The following SCML2 variants were observed in gnomAD, a reference collection of about 807,000 sequenced individuals.
The protein encoded by SCML2 is Scm polycomb group protein like 2, also known as sex comb on midleg-like protein 2.
SCML2 carries 6 observed loss-of-function variants against 48.4 expected under a neutral mutation model. The ratio of observed to expected loss-of-function variants is 0.12; its 90% CI spans 0.07 to 0.24. The LOEUF is 0.24. SCML2 is among the 10% of genes least tolerant of loss of function. SCML2 has a pLI of 1.00. For synonymous variants in SCML2, 181 were observed against 189.5 expected (o/e 0.95, Z 0.37); for missense variants, 377 against 528.2 (o/e 0.71, Z 2.81).
intron 1 of SCML2, among the ~76,000 whole-genome samples, chrX:18,340,619 G>A (rs1175250713): frequency 4.6e-5 from 5 of 109,824 alleles, no homozygotes; most frequent in African/African-American, 1.7e-4. Context: ...AGACCAGTCT[G>A]GCCAACATGG....
At chrX:18,253,404 T>C (rs888856115) in intron 11 of SCML2, among the ~76,000 whole-genome samples, 1 of 111,690 alleles carries the variant, frequency 9.0e-6, no homozygotes, top group South Asian at 3.8e-4. Flanking sequence ...AGTAAGACCA[T>C]ATAACCAACT....
At chrX:18,256,552 G>A (rs987708814) in intron 11 of SCML2, among the ~76,000 whole-genome samples, 4 of 111,606 alleles carry the variant, frequency 3.6e-5, no homozygotes, top group Non-Finnish European at 5.6e-5. Flanking sequence ...TAACTTCTGA[G>A]GATTATAAAA....
intron 1 of SCML2, among the ~76,000 whole-genome samples, chrX:18,349,217 C>T (rs1049487193): frequency 1.8e-5 from 2 of 112,145 alleles, no homozygotes; most frequent in Non-Finnish European, 3.8e-5. Flanking sequence ...TGGGCACTCT[C>T]TTTCCCCTCT....
At chrX:18,266,026 T>A (rs1473176322) in intron 7 of SCML2, among the ~76,000 whole-genome samples, 1 of 111,677 alleles carries the variant, frequency 9.0e-6, no homozygotes, top group Non-Finnish European at 1.9e-5. Flanking sequence ...AAAGCGGTTT[T>A]TATTAGAGGA....
chrX:18,257,081 C>A, intron 10 of SCML2, 51 bp from the exon 11 acceptor site: 1 of 843,732 alleles, frequency 1.2e-6, no homozygotes, highest in Non-Finnish European at 1.6e-6. Flanking sequence ...ATGAGAAATA[C>A]AACACTAATT....
intron 10 of SCML2, 114 bp downstream of exon 10, chrX:18,257,918 GGGGGAGGGGGAA>G (rs1208826240): frequency 9.4e-6 from 4 of 424,713 alleles, no homozygotes; most frequent in Non-Finnish European, 1.6e-5. Flanking sequence ...AAGAAAGGGC[GGGGGAGGGGGAA>G]GGGGAGGGGA....
intron 12 of SCML2, among the ~76,000 whole-genome samples, chrX:18,247,561 A>AT (rs755681817): frequency 1.0e-3 from 111 of 110,716 alleles, no homozygotes; most frequent in Middle Eastern, 4.7e-3. Flanking sequence ...GGTTATTACA[A>AT]TTTTTTTTTA....
At chrX:18,334,714 T>C (rs926100693) in intron 1 of SCML2, among the ~76,000 whole-genome samples, 4 of 112,074 alleles carry the variant, frequency 3.6e-5, no homozygotes, top group Non-Finnish European at 5.6e-5. Context: ...AATAACAGGC[T>C]GTCCTTGGCC....
At chrX:18,307,242 T>C (rs1174663415) in intron 6 of SCML2, among the ~76,000 whole-genome samples, 1 of 109,956 alleles carries the variant, frequency 9.1e-6, no homozygotes, top group East Asian at 2.8e-4. Context: ...AGCCGTGTTC[T>C]TGCCACTGCA....
chrX:18,317,742 G>A (rs1324839333), intron 6 of SCML2, among the ~76,000 whole-genome samples: 1 of 106,222 alleles, frequency 9.4e-6, no homozygotes, highest in Non-Finnish European at 1.9e-5. Context: ...GCTGAGGCAG[G>A]AGAATGGCGT....
Position 18,284,994 on chromosome X carries a change from C to T in SCML2, c.731-19192G>A, listed in dbSNP as rs778063635. Among the ~76,000 whole-genome samples, 8 of 104,778 alleles carry T rather than the reference C, an allele frequency of 7.6e-5. 1 individual carries two copies. Among genetic ancestry groups the T allele is most frequent in the African/African-American group, 2.5e-4 (7 of 28,022 alleles). 91.0% of individuals were successfully genotyped at this position (104,778 alleles called of 115,157 possible). A position where few individuals can be genotyped will look rare whatever the true frequency, so the allele number is the denominator to read the frequency against. The stretch of plus-strand genomic sequence containing the variant: ...GGTGGAGGTTGCAGTGGGCCAAGAT[C>T]GTGCCATTGCACTCCAGCCTGGGCA... On this transcript the variant is annotated intron_variant, in intron 7 of 14. Coordinates refer to ENST00000251900, the MANE Select transcript of SCML2 (RefSeq NM_006089.3).
In SCML2 at chrX:18,239,365, CAT is replaced by C. The variant is rs1286280322; in HGVS notation, c.*1884_*1885del. On this transcript the variant is annotated 3_prime_UTR_variant, in exon 15 of 15. Coordinates refer to ENST00000251900, the MANE Select transcript of SCML2 (RefSeq NM_006089.3). ...ATTTTAAAATATGAAAACTGTAAAA[CAT>C]AGTATTTATGTAAACACCTGAGGAC... The C allele has an allele frequency of 4.4e-5, 5 of 112,788 alleles. No individual in the cohort carries two copies. The highest frequency in any genetic ancestry group is 1.6e-4 in the African/African-American group (5 of 31,048). The allele number at this position is 112,788 out of a possible 1,213,427, so 9.3% of individuals were successfully genotyped here. A position where few individuals can be genotyped will look rare whatever the true frequency, so the allele number is the denominator to read the frequency against.
At position 18,354,661 on chromosome X, in the gene SCML2, A is replaced by G; in HGVS notation, c.-94T>C. 7.0e-6 allele frequency: 2 copies of G among 285,161 alleles called. No homozygotes were observed. 23.5% of individuals were successfully genotyped at this position (285,161 alleles called of 1,213,427 possible). A position where few individuals can be genotyped will look rare whatever the true frequency, so the allele number is the denominator to read the frequency against. ...CGCGCGAGCCGGCACCGAGCTTCAC[A>G]CCGCCGCCGCCATGTTTGAGAAGCC... On this transcript the variant is annotated 5_prime_UTR_variant, in exon 1 of 15. Coordinates refer to ENST00000251900, the MANE Select transcript of SCML2 (RefSeq NM_006089.3).
At chrX:18,275,900 C>T (rs1927614062) in intron 7 of SCML2, among the ~76,000 whole-genome samples, 1 of 112,393 alleles carries the variant, frequency 8.9e-6, no homozygotes, top group South Asian at 3.6e-4. Context: ...ACTAGGATGG[C>T]TATAATAAAA....
At chrX:18,340,207 C>A (rs1602149075) in intron 1 of SCML2, among the ~76,000 whole-genome samples, 1 of 110,720 alleles carries the variant, frequency 9.0e-6, no homozygotes, top group Admixed American at 9.6e-5. Context: ...TGAACTCAGG[C>A]GTTCCAGACC....
chrX:18,289,111 T>C (rs1928151776), intron 7 of SCML2, among the ~76,000 whole-genome samples: 1 of 111,612 alleles, frequency 9.0e-6, no homozygotes, highest in Admixed American at 9.5e-5. Context: ...GCTAACCCAC[T>C]GCATCTATAG....
intron 1 of SCML2, among the ~76,000 whole-genome samples, chrX:18,341,993 G>C (rs1930028109): frequency 8.9e-6 from 1 of 111,923 alleles, no homozygotes; most frequent in Non-Finnish European, 1.9e-5. Context: ...GTCTCAAATA[G>C]AAAAATATGG....
intron 1 of SCML2, among the ~76,000 whole-genome samples, chrX:18,339,636 C>A (rs1929949205): frequency 9.0e-6 from 1 of 111,508 alleles, no homozygotes. Context: ...ATCACTTGAG[C>A]CCATGAGTTC....
chrX:18,306,915 C>T (rs1569155393), intron 6 of SCML2, among the ~76,000 whole-genome samples: 1 of 110,901 alleles, frequency 9.0e-6, no homozygotes, highest in Non-Finnish European at 1.9e-5. Flanking sequence ...GTAATCCTCC[C>T]ACCTCAGCCT....
Sources: allele counts gnomAD v4.1 joint callset (sites outside exome capture counted in the v4.1 genomes callset), GRCh38; gene constraint gnomAD v4.1.1; transcripts MANE v1.5; gene names NCBI Gene and HGNC (gene_info 2026-07-23, HGNC 2026-07-21).